Variants in TSPAN18 observed in about 807,000 individuals in gnomAD.
TSPAN18 encodes the protein tetraspanin-18.
TSPAN18 carries 14 observed loss-of-function variants against 27.3 expected under a neutral mutation model. That is an observed-to-expected ratio of 0.51 (90% CI 0.34 to 0.80). The LOEUF (loss-of-function observed/expected upper bound fraction) is 0.80, where lower values mean the gene tolerates loss of function less well. TSPAN18 is among the 30% of genes least tolerant of loss of function. TSPAN18 has a pLI of 0.01. For synonymous variants in TSPAN18, 143 were observed against 136.5 expected, an observed-to-expected ratio of 1.05 and a Z score of -0.33; for missense variants, 268 against 323.9, an observed-to-expected ratio of 0.83 and a Z score of 1.32.
At chr11:44,874,876 AG>A (rs1196920635) in intron 3 of TSPAN18, among the ~76,000 whole-genome samples, 1 of 152,230 alleles carries the variant, frequency 6.6e-6, no homozygotes, top group African/African-American at 2.4e-5. Context: ...ACCCTTTTTC[AG>A]AGAATTCCAC....
intron 2 of TSPAN18, among the ~76,000 whole-genome samples, chr11:44,790,936 AT>A (rs1856203691): frequency 6.6e-6 from 1 of 152,080 alleles, no homozygotes; most frequent in South Asian, 2.1e-4. Flanking sequence ...AGGAGATGTC[AT>A]TTTTGTGTTT....
At chr11:44,749,237 T>C (rs1010937091) in intron 1 of TSPAN18, among the ~76,000 whole-genome samples, 13 of 152,252 alleles carry the variant, frequency 8.5e-5, no homozygotes, top group Non-Finnish European at 4.4e-5. Context: ...GCGAGTCTCT[T>C]ATCCTCTGAT....
In TSPAN18 at chr11:44,794,709, C is replaced by T. The variant is rs185127815; in HGVS notation, c.-153+30197C>T. 5.2e-4 allele frequency among the ~76,000 whole-genome samples: 79 copies of T among 151,918 alleles called. 1 individual carries two copies. The highest frequency in any genetic ancestry group is 1.6e-3 in the African/African-American group (66 of 41,422). On this transcript the variant is annotated intron_variant, in intron 2 of 9. Transcript: ENST00000520358. ...GGAGAACTCAGTCTCTGTTCCGAGACGTAAGTTCAAATTCTGGTCCTATCA... is the reference window on the plus strand; with the variant it reads ...GGAGAACTCAGTCTCTGTTCCGAGATGTAAGTTCAAATTCTGGTCCTATCA...
At chr11:44,909,930 G>T in intron 5 of TSPAN18, 31 bp downstream of exon 5, 1 of 1,582,704 alleles carries the variant, frequency 6.3e-7, no homozygotes. Flanking sequence ...CCCATCCATG[G>T]GTGCTCTGAG....
chr11:44,856,650 C>G (rs747383966), intron 2 of TSPAN18, among the ~76,000 whole-genome samples: 1 of 152,090 alleles, frequency 6.6e-6, no homozygotes, highest in Non-Finnish European at 1.5e-5. Context: ...TCCTTGGTGC[C>G]CCTGGAATCC....
chr11:44,809,034 C>T (rs537228631), intron 2 of TSPAN18, among the ~76,000 whole-genome samples: 2 of 152,126 alleles, frequency 1.3e-5, no homozygotes, highest in South Asian at 2.1e-4. Context: ...AAACACTTCT[C>T]ATGTCCTAAA....
intron 1 of TSPAN18, among the ~76,000 whole-genome samples, chr11:44,744,201 G>A (rs1432847007): frequency 6.6e-6 from 1 of 152,122 alleles, no homozygotes; most frequent in Non-Finnish European, 1.5e-5. Flanking sequence ...GTGTATTATC[G>A]CTTCGGAAAA....
chr11:44,778,018 A>G (rs1855854135), intron 2 of TSPAN18, among the ~76,000 whole-genome samples: 1 of 152,084 alleles, frequency 6.6e-6, no homozygotes, highest in Admixed American at 6.5e-5. Context: ...AGCACAGGAG[A>G]ACCCTTGGAG....
intron 2 of TSPAN18, among the ~76,000 whole-genome samples, chr11:44,804,714 G>C (rs1159406046): frequency 6.6e-6 from 1 of 151,294 alleles, no homozygotes; most frequent in Non-Finnish European, 1.5e-5. Context: ...TTATCTTTAA[G>C]GTCTGGATCT....
intron 3 of TSPAN18, among the ~76,000 whole-genome samples, chr11:44,874,350 C>T (rs1173000214): frequency 6.6e-6 from 1 of 152,194 alleles, no homozygotes; most frequent in African/African-American, 2.4e-5. Context: ...GGTCTTTGTG[C>T]CTTTGCCTCT....
At chr11:44,792,871 A>G (rs1307769021) in intron 2 of TSPAN18, among the ~76,000 whole-genome samples, 1 of 152,114 alleles carries the variant, frequency 6.6e-6, no homozygotes, top group Non-Finnish European at 1.5e-5. Flanking sequence ...CGTGGCTGGA[A>G]ATCCAGGGTT....
At position 44,929,394 on chromosome 11, in the gene TSPAN18, C is replaced by A; in HGVS notation, c.*216C>A. On this transcript the variant is annotated 3_prime_UTR_variant, in exon 10 of 10. Transcript: ENST00000520358. ...GATGTATCCTCGCCTGGACTCAGGGCAGGTGCCGTGGGTTCTCCAGAGACC... is the reference window on the plus strand; with the variant it reads ...GATGTATCCTCGCCTGGACTCAGGGAAGGTGCCGTGGGTTCTCCAGAGACC... The A allele has an allele frequency of 1.6e-6, 1 of 621,186 alleles. No individual in the cohort carries two copies. The highest frequency in any genetic ancestry group is 2.8e-6 in the Non-Finnish European group (1 of 363,384). The allele number at this position is 621,186 out of a possible 1,614,324, so 38.5% of individuals were successfully genotyped here. A position where few individuals can be genotyped will look rare whatever the true frequency, so the allele number is the denominator to read the frequency against.
chr11:44,787,773 C>T (rs1454001456), intron 2 of TSPAN18, among the ~76,000 whole-genome samples: 1 of 152,214 alleles, frequency 6.6e-6, no homozygotes, highest in Non-Finnish European at 1.5e-5. Flanking sequence ...CTCCAGCTGC[C>T]AGGTGATGCT....
chr11:44,838,577 G>T (rs979717123), intron 2 of TSPAN18, among the ~76,000 whole-genome samples: 1 of 152,106 alleles, frequency 6.6e-6, no homozygotes, highest in Non-Finnish European at 1.5e-5. Flanking sequence ...AAATCACACG[G>T]GTCCTTACAA....
In TSPAN18 at chr11:44,727,261, G is replaced by T. The variant is rs1854538029; in HGVS notation, c.-266G>T. 4.6e-5 allele frequency: 7 copies of T among 151,928 alleles called. No homozygotes were observed. In the South Asian group the frequency reaches 1.2e-3, roughly 26 times the overall value. The allele number at this position is 151,928 out of a possible 1,614,324, so 9.4% of individuals were successfully genotyped here. ...CCCCCGGCCGCCGGCGGGATTTGGCGCGGGGTCCGGCAGCCGCCGCTGGAA... is the reference window on the plus strand; with the variant it reads ...CCCCCGGCCGCCGGCGGGATTTGGCTCGGGGTCCGGCAGCCGCCGCTGGAA... On this transcript the variant is annotated 5_prime_UTR_variant, in exon 1 of 10. Coordinates refer to ENST00000520358, the MANE Select transcript of TSPAN18 (RefSeq NM_130783.5).
intron 1 of TSPAN18, among the ~76,000 whole-genome samples, chr11:44,739,451 T>C (rs962311819): frequency 6.6e-6 from 1 of 152,136 alleles, no homozygotes; most frequent in African/African-American, 2.4e-5. Flanking sequence ...TGTGAAACCC[T>C]GTCTCTACTA....
chr11:44,903,525 G>T lies in TSPAN18; in HGVS notation c.-10-2882G>T, dbSNP rs766543706. Reference sequence around the variant, plus strand: ...TGTGGTGACATGTGCTTTCTGGAAAGCTCCTTCTGGCAGCAGGGAAGCACT... The same window carrying T: ...TGTGGTGACATGTGCTTTCTGGAAATCTCCTTCTGGCAGCAGGGAAGCACT... On this transcript the variant is annotated intron_variant, in intron 3 of 9. Transcript: ENST00000520358. The T allele has an allele frequency of 9.6e-5, 44 of 456,468 alleles. 2 individuals carry two copies. Among genetic ancestry groups the T allele is most frequent in the South Asian group, 6.7e-4 (43 of 64,564 alleles). The allele number at this position is 456,468 out of a possible 1,614,324, so 28.3% of individuals were successfully genotyped here. A position where few individuals can be genotyped will look rare whatever the true frequency, so the allele number is the denominator to read the frequency against.
chr11:44,802,609 GCACACA>G (rs3222524), intron 2 of TSPAN18, among the ~76,000 whole-genome samples: 1 of 142,608 alleles, frequency 7.0e-6, no homozygotes, highest in Admixed American at 7.0e-5. Context: ...GGGAAGCACT[GCACACA>G]CACACACACA....
chr11:44,808,547 A>G (rs10501309), intron 2 of TSPAN18, among the ~76,000 whole-genome samples: 102,446 of 152,060 alleles, frequency 0.67, 35,468 homozygotes, highest in Non-Finnish European at 0.76. Flanking sequence ...TCTCTGCAGC[A>G]TAGGAGTGAG....
Sources: allele counts gnomAD v4.1 joint callset (sites outside exome capture counted in the v4.1 genomes callset), GRCh38; gene constraint gnomAD v4.1.1; transcripts MANE v1.5; gene names NCBI Gene and HGNC (gene_info 2026-07-23, HGNC 2026-07-21).